The following ADGRL2 variants were observed in gnomAD, a reference collection of about 807,000 sequenced individuals.
ADGRL2 encodes calcium-independent alpha-latrotoxin receptor 2.
ADGRL2 carries 44 observed loss-of-function variants against 157.4 expected under a neutral mutation model. The observed-to-expected ratio is 0.28, with a 90% CI of 0.22 to 0.36. The LOEUF (loss-of-function observed/expected upper bound fraction) is 0.36. ADGRL2 is among the 10% of genes least tolerant of loss of function. The pLI, the probability that ADGRL2 is intolerant of heterozygous loss-of-function variation, is 1.00. For missense variants in ADGRL2, 1,510 were observed against 1,768.9 expected, an observed-to-expected ratio of 0.85 and a Z score of 2.63; for synonymous variants, 585 against 624.7, an observed-to-expected ratio of 0.94 and a Z score of 0.95.
At chr1:81,541,549 G>T (rs527747655) in intron 2 of ADGRL2, among the ~76,000 whole-genome samples, 2 of 152,244 alleles carry the variant, frequency 1.3e-5, no homozygotes, top group Non-Finnish European at 2.9e-5. Flanking sequence ...CAAACATAGG[G>T]TGTTTGCTTT....
At chr1:81,905,328 C>CGTCAGGT (rs2094564383) in intron 2 of ADGRL2, among the ~76,000 whole-genome samples, 1 of 152,092 alleles carries the variant, frequency 6.6e-6, no homozygotes, top group South Asian at 2.1e-4. Context: ...AATCCCCTGA[C>CGTCAGGT]GTCAGGTGAT....
At chr1:81,751,770 G>T (rs1415815434) in intron 1 of ADGRL2, among the ~76,000 whole-genome samples, 1 of 151,994 alleles carries the variant, frequency 6.6e-6, no homozygotes, top group Non-Finnish European at 1.5e-5. Flanking sequence ...ATATGTTGAA[G>T]TATTTGGGAA....
chr1:81,707,351 C>T (rs2083770305), intron 1 of ADGRL2, among the ~76,000 whole-genome samples: 1 of 152,046 alleles, frequency 6.6e-6, no homozygotes, highest in Non-Finnish European at 1.5e-5. Flanking sequence ...CTGTTCATGG[C>T]CTATTTTATC....
chr1:81,822,285 A>G (rs940522101), intron 1 of ADGRL2, among the ~76,000 whole-genome samples: 1 of 151,904 alleles, frequency 6.6e-6, no homozygotes, highest in Non-Finnish European at 1.5e-5. Flanking sequence ...TGCTGATGGA[A>G]ACAATGTTTT....
chr1:81,757,744 A>G (rs2085739783), intron 1 of ADGRL2, among the ~76,000 whole-genome samples: 1 of 152,212 alleles, frequency 6.6e-6, no homozygotes, highest in African/African-American at 2.4e-5. Context: ...ATCAAAAGTT[A>G]GCTTTTCTTG....
chr1:81,345,215 A>G (rs1298158342), intron 1 of ADGRL2, among the ~76,000 whole-genome samples: 1 of 152,198 alleles, frequency 6.6e-6, no homozygotes, highest in Non-Finnish European at 1.5e-5. Context: ...AAACAAACCC[A>G]AATATAGGGC....
rs147535610 is a variant in ADGRL2, at chr1:81,487,602, G to A, written c.-248+42513G>A. Among the ~76,000 whole-genome samples the A allele has an allele frequency of 2.3e-3, 353 of 152,124 alleles. 3 individuals are homozygous for A. Among genetic ancestry groups the A allele is most frequent in the Middle Eastern group, 6.8e-3 (2 of 294 alleles). Reference sequence around the variant, plus strand: ...GGAGGTTGCAGGGAGCTGAGATGGCGCCACTGAACTCCAGGCTGGGAGACA... The same window carrying A: ...GGAGGTTGCAGGGAGCTGAGATGGCACCACTGAACTCCAGGCTGGGAGACA... On this transcript the variant is annotated intron_variant, in intron 2 of 24. Transcript: ENST00000370721.
chr1:81,766,830 C>CAAAAAAAAAAAAAAAAA (rs71592740), intron 2 of ADGRL2, among the ~76,000 whole-genome samples: 1 of 81,098 alleles, frequency 1.2e-5, no homozygotes. Flanking sequence ...AACTCCGTCT[C>CAAAAAAAAAAAAAAAAA]AAAAAAAAAA....
intron 2 of ADGRL2, among the ~76,000 whole-genome samples, chr1:81,770,153 C>CTTT (rs150798264): frequency 8.4e-5 from 5 of 59,612 alleles, no homozygotes; most frequent in African/African-American, 1.5e-4. Context: ...CTGCACCCAG[C>CTTT]TTTTTTTTTT....
intron 1 of ADGRL2, among the ~76,000 whole-genome samples, chr1:81,330,265 T>A (rs931962054): frequency 1.3e-4 from 20 of 152,076 alleles, no homozygotes; most frequent in African/African-American, 4.8e-4. Flanking sequence ...ACTGACCCAA[T>A]GAGGATTAAT....
intron 1 of ADGRL2, among the ~76,000 whole-genome samples, chr1:81,825,583 G>C (rs1043960085): frequency 4.8e-5 from 7 of 144,894 alleles, no homozygotes; most frequent in Non-Finnish European, 1.0e-4. Context: ...CTTACCTTGT[G>C]ATCTGCCCAT....
intron 1 of ADGRL2, among the ~76,000 whole-genome samples, chr1:81,308,072 GA>G (rs1031993002): frequency 4.6e-4 from 66 of 145,038 alleles, no homozygotes; most frequent in African/African-American, 1.5e-3. Context: ...GATAGCAACC[GA>G]AAAAAAAAAG....
chr1:81,394,276 A>T (rs1314947708), intron 1 of ADGRL2, among the ~76,000 whole-genome samples: 1 of 152,136 alleles, frequency 6.6e-6, no homozygotes, highest in Non-Finnish European at 1.5e-5. Context: ...ATTTATAGTC[A>T]CTATATGGTA....
At chr1:81,524,002 T>A (rs2079388845) in intron 2 of ADGRL2, among the ~76,000 whole-genome samples, 1 of 151,470 alleles carries the variant, frequency 6.6e-6, no homozygotes, top group Non-Finnish European at 1.5e-5. Context: ...GAGGTGAAGG[T>A]TGCAGTGAGC....
chr1:81,962,069 T>C (rs758529073), intron 11 of ADGRL2, among the ~76,000 whole-genome samples: 5 of 152,052 alleles, frequency 3.3e-5, no homozygotes, highest in Non-Finnish European at 7.4e-5. Flanking sequence ...TCCCTAGAAA[T>C]AGAATTTTTG....
intron 11 of ADGRL2, among the ~76,000 whole-genome samples, chr1:81,956,535 T>C (rs1653557064): frequency 6.6e-6 from 1 of 152,156 alleles, no homozygotes; most frequent in South Asian, 2.1e-4. Flanking sequence ...GTGAATTACA[T>C]CTCCCACAAT....
chr1:81,317,983 C>T (rs567372574), intron 1 of ADGRL2, among the ~76,000 whole-genome samples: 7 of 151,976 alleles, frequency 4.6e-5, no homozygotes, highest in Non-Finnish European at 7.4e-5. Flanking sequence ...ATACACATAA[C>T]CAAATAAAGC....
At chr1:81,499,107 A>T (rs935472207) in intron 2 of ADGRL2, among the ~76,000 whole-genome samples, 1 of 152,250 alleles carries the variant, frequency 6.6e-6, no homozygotes, top group African/African-American at 2.4e-5. Context: ...GAGGGGCATA[A>T]CACATGAAGC....
intron 11 of ADGRL2, among the ~76,000 whole-genome samples, chr1:81,962,714 T>C (rs1196793543): frequency 2.6e-5 from 4 of 152,178 alleles, no homozygotes; most frequent in Non-Finnish European, 2.9e-5. Context: ...GCTGATTTGA[T>C]TTTTCCCCAT....
Sources: gnomAD v4.1 joint callset for allele counts (sites outside exome capture counted in the v4.1 genomes callset) on GRCh38, gnomAD v4.1.1 for gene constraint, MANE v1.5 for transcripts, NCBI Gene and HGNC (gene_info 2026-07-23, HGNC 2026-07-21) for gene names.